CNBD1: variants seen among roughly 807,000 people sequenced by gnomAD.
CNBD1 encodes cyclic nucleotide binding domain containing 1.
CNBD1 carries 71 observed loss-of-function variants against 54.4 expected under a neutral mutation model. The observed-to-expected ratio is 1.30, with a 90% CI of 1.08 to 1.59. The LOEUF (loss-of-function observed/expected upper bound fraction) is 1.59. Ranked by LOEUF, CNBD1 falls within the 40% of genes most tolerant of loss-of-function variation. The pLI, the probability that CNBD1 is intolerant of heterozygous loss-of-function variation, is 0.00. For missense variants in CNBD1, 659 were observed against 518.0 expected, an observed-to-expected ratio of 1.27 and a Z score of -2.64; for synonymous variants, 182 against 170.7, an observed-to-expected ratio of 1.07 and a Z score of -0.51.
rs1348564108 is a variant in CNBD1 at position 87,377,643 on chromosome 8, T to C, written c.1304-4977T>C. Among the ~76,000 whole-genome samples, 288 of 149,822 alleles carry C rather than the reference T, an allele frequency of 1.9e-3. 2 individuals carry two copies. The highest frequency in any genetic ancestry group is 6.4e-3 in the African/African-American group (259 of 40,226). The stretch of plus-strand genomic sequence containing the variant: ...TGCATGTGTCTTTATAGCAGCATGA[T>C]TTATAGTCCTTTGGGTATATACCCA... On this transcript the variant is annotated intron_variant, in intron 10 of 10. Coordinates refer to ENST00000518476, the MANE Select transcript of CNBD1 (RefSeq NM_173538.3).
chr8:87,390,582 C>G (rs144248208), intron 2 of CNBD1, among the ~76,000 whole-genome samples: 46,072 of 151,866 alleles, frequency 0.3, 7,319 homozygotes, highest in Middle Eastern at 0.41. Context: ...ATTAAAAAGT[C>G]AGGAAACAAG....
At chr8:87,077,415 T>TTC (rs1810895677) in intron 4 of CNBD1, among the ~76,000 whole-genome samples, 1 of 143,026 alleles carries the variant, frequency 7.0e-6, no homozygotes, top group African/African-American at 2.5e-5. Context: ...TCTTCTTCTT[T>TTC]TTTTTTTTTT....
At chr8:86,929,596 G>C (rs1198457587) in intron 3 of CNBD1, among the ~76,000 whole-genome samples, 1 of 152,182 alleles carries the variant, frequency 6.6e-6, no homozygotes, top group Non-Finnish European at 1.5e-5. Context: ...TGCTCGATTG[G>C]TTCCCCATCC....
intron 10 of CNBD1, among the ~76,000 whole-genome samples, chr8:87,378,960 G>A (rs1342321538): frequency 6.7e-6 from 1 of 149,224 alleles, no homozygotes. Flanking sequence ...CTGTTTGTCT[G>A]TTGTTGGTGT....
intron 5 of CNBD1, among the ~76,000 whole-genome samples, chr8:87,227,492 A>C: frequency 7.3e-6 from 1 of 137,778 alleles, no homozygotes; most frequent in African/African-American, 2.8e-5. Flanking sequence ...TTTCTCCTTC[A>C]CTTATGAAGC....
At chr8:87,374,678 A>T (rs1236047147) in intron 10 of CNBD1, among the ~76,000 whole-genome samples, 1 of 151,740 alleles carries the variant, frequency 6.6e-6, no homozygotes, top group Non-Finnish European at 1.5e-5. Context: ...GGAACATATT[A>T]TTGCCTGGCC....
intron 8 of CNBD1, among the ~76,000 whole-genome samples, chr8:87,320,984 A>G (rs1160259371): frequency 6.6e-6 from 1 of 152,100 alleles, no homozygotes; most frequent in African/African-American, 2.4e-5. Flanking sequence ...TGACTGGCTT[A>G]TTTCACTTAG....
chr8:87,241,258 T>C (rs1807696331), intron 6 of CNBD1, among the ~76,000 whole-genome samples: 1 of 150,042 alleles, frequency 6.7e-6, no homozygotes, highest in Admixed American at 6.7e-5. Context: ...CAAAAATCTG[T>C]ATTTGGAAGA....
chr8:87,410,821 A>G (rs769881799), intron 2 of CNBD1, among the ~76,000 whole-genome samples: 23 of 152,132 alleles, frequency 1.5e-4, no homozygotes, highest in Non-Finnish European at 2.8e-4. Context: ...CAGCCACCCC[A>G]ACTATTAGCA....
At chr8:87,002,151 G>T (rs143415374) in intron 4 of CNBD1, among the ~76,000 whole-genome samples, 1,873 of 152,094 alleles carry the variant, frequency 0.012, 18 homozygotes, top group Middle Eastern at 0.027. Context: ...AATCTAATAG[G>T]AATCCCAGCT....
At chr8:86,958,958 A>T (rs1294709642) in intron 4 of CNBD1, among the ~76,000 whole-genome samples, 1 of 152,074 alleles carries the variant, frequency 6.6e-6, no homozygotes, top group Non-Finnish European at 1.5e-5. Flanking sequence ...GGTCTTTACA[A>T]TTTGGCATGT....
At chr8:87,391,358 A>G (rs77398178) in intron 2 of CNBD1, among the ~76,000 whole-genome samples, 2,870 of 152,218 alleles carry the variant, frequency 0.019, 91 homozygotes, top group African/African-American at 0.062. Flanking sequence ...GAAAGCCACA[A>G]GCTAATCCTA....
rs556402832 is a variant in CNBD1 at position 87,354,734 on chromosome 8, A to G, written c.1303+948A>G. Among the ~76,000 whole-genome samples, 408 of 152,174 alleles carry G rather than the reference A, an allele frequency of 2.7e-3. 3 individuals are homozygous for G. The highest frequency in any genetic ancestry group is 9.3e-3 in the African/African-American group (385 of 41,502). ...ATCCATGTCCCTACAAAGGACATGA[A>G]CTCATCATGTTTTATGGCTGCATAG... is the stretch of plus-strand genomic sequence containing the variant. On this transcript the variant is annotated intron_variant, in intron 10 of 10. Transcript: ENST00000518476.
At chr8:86,958,281 G>A (rs1807832265) in intron 4 of CNBD1, among the ~76,000 whole-genome samples, 1 of 152,186 alleles carries the variant, frequency 6.6e-6, no homozygotes, top group Non-Finnish European at 1.5e-5. Context: ...GGTCAGATGT[G>A]CTGCTGAGAA....
chr8:86,939,087 T>C (rs1809603234), intron 3 of CNBD1, among the ~76,000 whole-genome samples: 1 of 152,188 alleles, frequency 6.6e-6, no homozygotes, highest in Admixed American at 6.5e-5. Flanking sequence ...AATGGTCATT[T>C]ATTTGTACAT....
chr8:87,331,929 T>C (rs540670631), intron 8 of CNBD1, among the ~76,000 whole-genome samples: 1 of 152,320 alleles, frequency 6.6e-6, no homozygotes, highest in East Asian at 1.9e-4. Flanking sequence ...TCTTGTAAAT[T>C]TGTTTAAATT....
chr8:87,310,454 T>C (rs1563547084), intron 8 of CNBD1, among the ~76,000 whole-genome samples: 1 of 152,028 alleles, frequency 6.6e-6, no homozygotes. Flanking sequence ...TAAGGAAAAC[T>C]ACAAAACACT....
At chr8:87,179,430 TAAAG>T (rs1563497477) in intron 4 of CNBD1, among the ~76,000 whole-genome samples, 1 of 152,180 alleles carries the variant, frequency 6.6e-6, no homozygotes. Flanking sequence ...TTTGCTCTCT[TAAAG>T]AAGAGTCTAA....
At chr8:87,374,104 T>C (rs949261789) in intron 10 of CNBD1, among the ~76,000 whole-genome samples, 3 of 151,610 alleles carry the variant, frequency 2.0e-5, no homozygotes, top group Non-Finnish European at 3.0e-5. Flanking sequence ...AAATAATTCA[T>C]CATAAAAAAA....
Sources: gnomAD v4.1 joint callset for allele counts (sites outside exome capture counted in the v4.1 genomes callset) on GRCh38, gnomAD v4.1.1 for gene constraint, MANE v1.5 for transcripts, NCBI Gene and HGNC (gene_info 2026-07-23, HGNC 2026-07-21) for gene names.